Variants in PRAMEF19 observed in about 807,000 individuals in gnomAD.
The protein encoded by PRAMEF19 is PRAME family member 19, also known as PRAME family member-like.
A neutral mutation model predicts 33.1 loss-of-function variants in PRAMEF19; 21 were observed. That is an observed-to-expected ratio of 0.63 (90% CI 0.45 to 0.91). The LOEUF is 0.91. Among genes scored for constraint, PRAMEF19 ranks in the 40% least tolerant of loss-of-function variants. The probability of loss-of-function intolerance (pLI) is 0.00; values close to 1 mark genes in which losing one functional copy is unlikely to be tolerated. For missense variants in PRAMEF19, 481 were observed against 585.2 expected, an observed-to-expected ratio of 0.82 and a Z score of 1.84; for synonymous variants, 179 against 229.3, an observed-to-expected ratio of 0.78 and a Z score of 1.98.
chr1:13,370,402 C>A (rs1431147477), intron 2 of PRAMEF19, among the ~76,000 whole-genome samples: 1 of 152,022 alleles, frequency 6.6e-6, no homozygotes, highest in African/African-American at 2.4e-5. Context: ...CTGAACCCCC[C>A]ACTAACCAGC....
At chr1:13,368,870 T>C (rs1398654059), downstream of PRAMEF19, among the ~76,000 whole-genome samples, 3 of 152,142 alleles carry the variant, frequency 2.0e-5, no homozygotes, top group Non-Finnish European at 4.4e-5. Context: ...TCCCAGAATC[T>C]TGGGAGGCCA....
chr1:13,371,639 G>C, exon 1 of PRAMEF19: 1 of 1,610,778 alleles, frequency 6.2e-7, no homozygotes, highest in Non-Finnish European at 8.5e-7. Flanking sequence ...TGGGCAAGCA[G>C]GCAATCAATC....
chr1:13,370,570 G>C, intron 2 of PRAMEF19, 79 bp downstream of exon 2: 1 of 1,573,606 alleles, frequency 6.4e-7, no homozygotes, highest in Non-Finnish European at 8.7e-7. Context: ...CTGGCACACA[G>C]TAGATGCTGA....
At chr1:13,370,775 G>A in exon 2 of PRAMEF19, 10 of 1,613,904 alleles carry the variant, frequency 6.2e-6, no homozygotes, top group Non-Finnish European at 8.5e-6. Flanking sequence ...CTCAAAGCTT[G>A]GCAGGTAACC....
At chr1:13,370,845 C>T in exon 2 of PRAMEF19, 1 of 1,613,906 alleles carries the variant, frequency 6.2e-7, no homozygotes. Flanking sequence ...TAACGGCTAA[C>T]CTCTGCTACC....
In PRAMEF19 at chr1:13,369,654, G is replaced by T; in HGVS notation, c.867-14C>A. 3 of 1,613,658 alleles carry T rather than the reference G, an allele frequency of 1.9e-6. No individual in the cohort carries two copies. Among genetic ancestry groups the T allele is most frequent in the Non-Finnish European group, 2.5e-6 (3 of 1,179,758 alleles). On this transcript the variant is annotated splice_polypyrimidine_tract_variant and intron_variant, in intron 2 of 2. Coordinates refer to ENST00000376101, the Ensembl canonical transcript of PRAMEF19. ...CTCTTGAGGCACCTGGGGAGAGCAA[G>T]AAGTTAGTACTGGGCAATGGCACCA...
chr1:13,370,911 C>T (rs1246414746), exon 2 of PRAMEF19: 83,881 of 1,613,046 alleles, frequency 0.052, 3,422 homozygotes, highest in East Asian at 0.25. Flanking sequence ...TCTGGGTATA[C>T]TGTTTCTAAT....
At chr1:13,371,899 A>G (rs1569835632) in exon 1 of PRAMEF19, 11 of 1,612,034 alleles carry the variant, frequency 6.8e-6, no homozygotes, top group Non-Finnish European at 5.9e-6. Context: ...CTGGAAGCTC[A>G]TCCTGATAAA....
chr1:13,369,076 C>A (rs1441770060), exon 3 of PRAMEF19: 5 of 1,611,916 alleles, frequency 3.1e-6, no homozygotes, highest in African/African-American at 1.3e-5. Flanking sequence ...ACTAGGCAGG[C>A]CTTCCCCGCA....
chr1:13,369,477 G>A, exon 3 of PRAMEF19: 2 of 1,613,986 alleles, frequency 1.2e-6, no homozygotes, highest in Non-Finnish European at 1.7e-6. Flanking sequence ...ACTTTCTCTA[G>A]CAGAGCTCGG....
At chr1:13,368,543 T>G (rs2100378380), downstream of PRAMEF19, among the ~76,000 whole-genome samples, 1 of 152,338 alleles carries the variant, frequency 6.6e-6, no homozygotes, top group South Asian at 2.1e-4. Flanking sequence ...GATGTATAAA[T>G]TGCTGAAACA....
At chr1:13,370,446 G>A (rs4026262) in intron 2 of PRAMEF19, among the ~76,000 whole-genome samples, 33 of 149,650 alleles carry the variant, frequency 2.2e-4, no homozygotes, top group Non-Finnish European at 3.6e-4. Context: ...TAGCGTCTAT[G>A]CCAGGTCATC....
downstream of PRAMEF19, among the ~76,000 whole-genome samples, chr1:13,368,782 G>A (rs1640631218): frequency 3.9e-5 from 6 of 152,082 alleles, no homozygotes; most frequent in South Asian, 1.2e-3. Flanking sequence ...CTCACAGAAA[G>A]CACATGCCTG....
At chr1:13,371,537 A>G (rs1640672289) in intron 1 of PRAMEF19, 77 bp downstream of exon 1, 1 of 1,604,990 alleles carries the variant, frequency 6.2e-7, no homozygotes, top group East Asian at 2.3e-5. Flanking sequence ...CCCCTGGGCC[A>G]CCCCAGGTTC....
downstream of PRAMEF19, among the ~76,000 whole-genome samples, chr1:13,368,751 T>G (rs1640630378): frequency 6.6e-6 from 1 of 152,034 alleles, no homozygotes; most frequent in African/African-American, 2.4e-5. Context: ...CCTGCTGGGT[T>G]TTTTTGTGTT....
chr1:13,371,006 C>A, exon 2 of PRAMEF19: 1 of 1,612,052 alleles, frequency 6.2e-7, no homozygotes, highest in Non-Finnish European at 8.5e-7. Context: ...GTGCTGCACC[C>A]ACCCAGAGAA....
chr1:13,370,685 A>C, exon 2 of PRAMEF19: 1 of 1,613,944 alleles, frequency 6.2e-7, no homozygotes, highest in South Asian at 1.1e-5. Flanking sequence ...GAAGAAGCGG[A>C]TCCTTCTCAT....
exon 2 of PRAMEF19, chr1:13,371,111 A>C: frequency 6.2e-7 from 1 of 1,612,282 alleles, no homozygotes; most frequent in South Asian, 1.1e-5. Flanking sequence ...ACAGTCCTCC[A>C]CTGTCTGTCT....
downstream of PRAMEF19, among the ~76,000 whole-genome samples, chr1:13,368,673 T>G (rs1264433179): frequency 6.6e-6 from 1 of 152,220 alleles, no homozygotes; most frequent in African/African-American, 2.4e-5. Flanking sequence ...AGGTTCTATT[T>G]CTGACTGTCT....
Sources: gnomAD v4.1 joint callset for allele counts (sites outside exome capture counted in the v4.1 genomes callset) on GRCh38, gnomAD v4.1.1 for gene constraint, MANE v1.5 for transcripts, NCBI Gene and HGNC (gene_info 2026-07-23, HGNC 2026-07-21) for gene names.